Variants in PARP8 observed in about 807,000 individuals in gnomAD.
PARP8 encodes the protein protein mono-ADP-ribosyltransferase PARP8.
PARP8 carries 51 observed loss-of-function variants against 124.1 expected under a neutral mutation model. That is an observed-to-expected ratio of 0.41 (90% confidence interval 0.33 to 0.52). The LOEUF (loss-of-function observed/expected upper bound fraction) is 0.52, where lower values mean the gene tolerates loss of function less well. PARP8 is among the 20% of genes least tolerant of loss of function. PARP8 has a pLI of 0.21. For synonymous variants in PARP8, 391 were observed against 361.5 expected (o/e 1.08, Z -0.93); for missense variants, 860 against 1,018.9 (o/e 0.84, Z 2.12).
chr5:50,674,299 C>G (rs921196411), intron 2 of PARP8, among the ~76,000 whole-genome samples: 2 of 152,160 alleles, frequency 1.3e-5, no homozygotes, highest in African/African-American at 4.8e-5. Flanking sequence ...CTTTTGAGCC[C>G]GGTATGGGGA....
At chr5:50,725,877 C>T (rs891256344) in intron 2 of PARP8, among the ~76,000 whole-genome samples, 2 of 152,062 alleles carry the variant, frequency 1.3e-5, no homozygotes, top group African/African-American at 2.4e-5. Flanking sequence ...AGCTTGTAAG[C>T]AATACTGCTT....
At chr5:50,801,953 A>G (rs999414266) in intron 14 of PARP8, among the ~76,000 whole-genome samples, 2 of 152,090 alleles carry the variant, frequency 1.3e-5, no homozygotes, top group African/African-American at 2.4e-5. Context: ...TATTATTTGC[A>G]TGGAATATCT....
intron 21 of PARP8, among the ~76,000 whole-genome samples, chr5:50,829,081 A>T (rs541660652): frequency 6.6e-6 from 1 of 152,206 alleles, no homozygotes; most frequent in East Asian, 1.9e-4. Context: ...AGAGAATAAA[A>T]TGTAGAAATA....
intron 2 of PARP8, among the ~76,000 whole-genome samples, chr5:50,698,035 T>C (rs904602631): frequency 2.9e-4 from 44 of 152,212 alleles, no homozygotes; most frequent in Admixed American, 2.7e-3. Context: ...TTAAATCTTA[T>C]TGGAGTTTTC....
Position 50,843,645 on chromosome 5 carries a change from G to C in PARP8, c.*1577G>C, listed in dbSNP as rs1270376722. ...TTGATCTGTTTTGACTTGTGGCTCTGAACCCTGGGCTAGGCTGAGGGATAA... is the reference window on the plus strand; with the variant it reads ...TTGATCTGTTTTGACTTGTGGCTCTCAACCCTGGGCTAGGCTGAGGGATAA... On this transcript the variant is annotated 3_prime_UTR_variant, in exon 26 of 26. Coordinates refer to ENST00000281631, the MANE Select transcript of PARP8 (RefSeq NM_024615.4). 1 of 151,728 alleles carries C rather than the reference G, an allele frequency of 6.6e-6. No individual in the cohort carries two copies. The highest frequency in any genetic ancestry group is 1.5e-5 in the Non-Finnish European group (1 of 67,822). The allele number at this position is 151,728 out of a possible 1,614,324, so 9.4% of individuals were successfully genotyped here. A position where few individuals can be genotyped will look rare whatever the true frequency, so the allele number is the denominator to read the frequency against.
intron 10 of PARP8, among the ~76,000 whole-genome samples, chr5:50,790,475 A>G (rs1342103430): frequency 6.6e-6 from 1 of 151,920 alleles, no homozygotes; most frequent in African/African-American, 2.4e-5. Context: ...TTTTTATACT[A>G]TGATTTTTTT....
At chr5:50,717,544 G>A (rs929938515) in intron 2 of PARP8, among the ~76,000 whole-genome samples, 5 of 151,878 alleles carry the variant, frequency 3.3e-5, no homozygotes, top group African/African-American at 1.2e-4. Context: ...CATTGCAATA[G>A]AGACGACATT....
rs1385078295 is a variant in PARP8, at chr5:50,845,209, G to T, written c.*3141G>T. On this transcript the variant is annotated 3_prime_UTR_variant, in exon 26 of 26. Transcript: ENST00000281631. ...GTCTATGAATCTTTAAATAACTGAA[G>T]GAATTTTAGCAGTACTTTGTATAAT... The T allele has an allele frequency of 6.6e-6, 1 of 151,482 alleles. No homozygotes were observed. The highest frequency in any genetic ancestry group is 1.5e-5 in the Non-Finnish European group (1 of 67,738). The allele number at this position is 151,482 out of a possible 1,614,324, so 9.4% of individuals were successfully genotyped here.
intron 2 of PARP8, among the ~76,000 whole-genome samples, chr5:50,677,773 A>G (rs977510562): frequency 2.0e-5 from 3 of 152,146 alleles, no homozygotes; most frequent in Non-Finnish European, 4.4e-5. Flanking sequence ...AAAATTTAGT[A>G]TGGCGATAGT....
chr5:50,686,462 T>C (rs1014294861), intron 2 of PARP8, among the ~76,000 whole-genome samples: 2 of 152,190 alleles, frequency 1.3e-5, no homozygotes, highest in African/African-American at 4.8e-5. Context: ...TCCAGGCACA[T>C]GGTGCAAGCT....
chr5:50,749,397 A>G (rs1024375888), intron 2 of PARP8, among the ~76,000 whole-genome samples: 1 of 152,152 alleles, frequency 6.6e-6, no homozygotes, highest in African/African-American at 2.4e-5. Flanking sequence ...CACTGCAAAT[A>G]TAAATAGACG....
At chr5:50,773,832 A>ATTTTTTTTTTTTTTTTTTTT (rs35571636) in intron 7 of PARP8, among the ~76,000 whole-genome samples, 1 of 136,072 alleles carries the variant, frequency 7.3e-6, no homozygotes, top group African/African-American at 2.8e-5. Context: ...TATTTCATTA[A>ATTTTTTTTTTTTTTTTTTTT]TTTTTTTTTT....
intron 15 of PARP8, among the ~76,000 whole-genome samples, chr5:50,819,696 C>G (rs1292966776): frequency 6.6e-6 from 1 of 152,050 alleles, no homozygotes; most frequent in Non-Finnish European, 1.5e-5. Context: ...CCTCCTTGGC[C>G]TCCCAAACAA....
chr5:50,736,308 A>T (rs1219952558), intron 2 of PARP8, among the ~76,000 whole-genome samples: 1 of 152,164 alleles, frequency 6.6e-6, no homozygotes, highest in Non-Finnish European at 1.5e-5. Flanking sequence ...TAGCCTCATT[A>T]AGCTAGTTTT....
At chr5:50,754,982 C>A (rs1363146046) in intron 3 of PARP8, among the ~76,000 whole-genome samples, 4 of 152,156 alleles carry the variant, frequency 2.6e-5, no homozygotes, top group Non-Finnish European at 5.9e-5. Flanking sequence ...TAAATGTCTT[C>A]TTTTGAGAAG....
At chr5:50,696,318 A>G (rs1481697205) in intron 2 of PARP8, among the ~76,000 whole-genome samples, 1 of 152,222 alleles carries the variant, frequency 6.6e-6, no homozygotes, top group Non-Finnish European at 1.5e-5. Flanking sequence ...TGCTAAGATT[A>G]GTGTAAACTT....
At chr5:50,732,239 G>T (rs1473559854) in intron 2 of PARP8, among the ~76,000 whole-genome samples, 6 of 152,032 alleles carry the variant, frequency 3.9e-5, no homozygotes, top group South Asian at 4.1e-4. Flanking sequence ...TTTAGTGAGT[G>T]GTTCTAAGAA....
intron 3 of PARP8, among the ~76,000 whole-genome samples, chr5:50,756,457 A>T (rs1759967862): frequency 1.3e-5 from 2 of 152,098 alleles, no homozygotes; most frequent in Admixed American, 1.3e-4. Flanking sequence ...AATTTGAGGA[A>T]GATTTAGAAG....
At position 50,815,447 on chromosome 5, in the gene PARP8, C is replaced by T; in HGVS notation, c.1591C>T (p.Arg531Trp). 2 of 1,591,610 alleles carry T rather than the reference C, an allele frequency of 1.3e-6. No homozygotes were observed. Among genetic ancestry groups the T allele is most frequent in the Non-Finnish European group, 1.7e-6 (2 of 1,170,654 alleles). ...TCTTTTGTAGCCTACCGTATGTGAA[C>T]GGGAGCTGTGTGTGTTTGCTTTTCA... ...GPMLRPTVCE[R>W]ELCVFAFQTL... The change falls in exon 15 of 26, where the codon CGG (arginine) becomes TGG (tryptophan). Residue 531 changes from arginine to tryptophan, a missense_variant. This residue lies in a region of PARP8 where 343 missense variants were observed against 474.7 expected (regional missense o/e 0.72). Transcript: ENST00000281631.
Sources: gnomAD v4.1 joint callset for allele counts (sites outside exome capture counted in the v4.1 genomes callset) on GRCh38, gnomAD v4.1.1 for gene constraint, gnomAD v4.1.1 regional missense constraint, MANE v1.5 for transcripts, NCBI Gene and HGNC (gene_info 2026-07-23, HGNC 2026-07-21) for gene names.